Variants in SLC24A4 observed in about 807,000 individuals in gnomAD.
SLC24A4 encodes solute carrier family 24 member 4, also known as sodium/potassium/calcium exchanger 4.
A neutral mutation model predicts 79.0 loss-of-function variants in SLC24A4; 53 were observed. The observed-to-expected ratio is 0.67, with a 90% CI of 0.54 to 0.84. SLC24A4 has a LOEUF of 0.84. Ranked by LOEUF, SLC24A4 falls within the 40% of genes least tolerant of loss-of-function variation. The pLI is 0.00. For missense variants in SLC24A4, 731 were observed against 822.0 expected (o/e 0.89, Z 1.35); for synonymous variants, 323 against 323.8 (o/e 1.00, Z 0.03).
At chr14:92,453,399 A>G (rs540209693) in intron 10 of SLC24A4, 13 of 152,654 alleles carry the variant, frequency 8.5e-5, no homozygotes, top group Non-Finnish European at 1.8e-4. Flanking sequence ...GTGGCCTCGT[A>G]GGAAGTTCAG....
intron 2 of SLC24A4, among the ~76,000 whole-genome samples, chr14:92,410,019 C>G (rs1268467156): frequency 6.6e-6 from 1 of 152,130 alleles, no homozygotes; most frequent in East Asian, 1.9e-4. Context: ...AAGAAAGGAA[C>G]AGACACTGGT....
chr14:92,493,411 C>T (rs1895807644), intron 16 of SLC24A4, 65 bp from the exon 17 acceptor site: 1 of 1,584,712 alleles, frequency 6.3e-7, no homozygotes, highest in Non-Finnish European at 8.6e-7. Context: ...GTGTCGCTTT[C>T]CAGTAGAAAT....
At chr14:92,342,319 G>A (rs997452880) in intron 2 of SLC24A4, among the ~76,000 whole-genome samples, 2 of 151,110 alleles carry the variant, frequency 1.3e-5, no homozygotes, top group Non-Finnish European at 2.9e-5. Flanking sequence ...TGTGGGGGGG[G>A]GGTCTCCATT....
At chr14:92,405,059 A>G (rs542120328) in intron 2 of SLC24A4, among the ~76,000 whole-genome samples, 1 of 152,248 alleles carries the variant, frequency 6.6e-6, no homozygotes, top group African/African-American at 2.4e-5. Context: ...GAGGCCACAC[A>G]GTGTAGTGAT....
At chr14:92,330,941 A>T (rs1218920698) in intron 2 of SLC24A4, among the ~76,000 whole-genome samples, 1 of 152,210 alleles carries the variant, frequency 6.6e-6, no homozygotes, top group East Asian at 1.9e-4. Context: ...GCGAGTTTCC[A>T]CACATCTCCT....
At chr14:92,480,987 A>C (rs961342497) in intron 12 of SLC24A4, among the ~76,000 whole-genome samples, 1 of 152,144 alleles carries the variant, frequency 6.6e-6, no homozygotes, top group Admixed American at 6.5e-5. Flanking sequence ...AGGTCAGCTA[A>C]TGATTAGACA....
intron 12 of SLC24A4, among the ~76,000 whole-genome samples, chr14:92,480,701 T>G (rs910885938): frequency 2.6e-5 from 4 of 152,220 alleles, no homozygotes; most frequent in South Asian, 2.1e-4. Context: ...TCTCAAAGTA[T>G]TTTCTAATTT....
At chr14:92,463,677 A>G (rs1225403196) in intron 12 of SLC24A4, among the ~76,000 whole-genome samples, 1 of 152,154 alleles carries the variant, frequency 6.6e-6, no homozygotes, top group African/African-American at 2.4e-5. Flanking sequence ...ACTTATCATA[A>G]TATTCATTCC....
Position 92,468,924 on chromosome 14 carries a change from GTGTGTGTGTGTC to G in SLC24A4, c.1255+12317_1255+12328del, listed in dbSNP as rs771591523. Among the ~76,000 whole-genome samples, 605 of 119,596 alleles carry G rather than the reference GTGTGTGTGTGTC, an allele frequency of 5.1e-3. 1 individual carries two copies. Among genetic ancestry groups the G allele is most frequent in the Non-Finnish European group, 6.7e-3 (363 of 54,012 alleles). 78.5% of individuals were successfully genotyped at this position (119,596 alleles called of 152,430 possible). On this transcript the variant is annotated intron_variant, in intron 12 of 16. Coordinates refer to ENST00000532405, the MANE Select transcript of SLC24A4 (RefSeq NM_153646.4). ...TGTGTGTGTGTGTGTGTGTGTGTGT[GTGTGTGTGTGTC>G]ACTTAAAACTCAACAATAAAAGACA...
chr14:92,419,507 C>T (rs915930018), intron 2 of SLC24A4, among the ~76,000 whole-genome samples: 10 of 152,180 alleles, frequency 6.6e-5, no homozygotes, highest in Admixed American at 2.6e-4. Context: ...GGAATGTTGC[C>T]GTGGGCTACT....
chr14:92,348,697 G>C (rs1358505746), intron 2 of SLC24A4, among the ~76,000 whole-genome samples: 1 of 152,126 alleles, frequency 6.6e-6, no homozygotes, highest in Admixed American at 6.5e-5. Context: ...ATTGCCACTT[G>C]AGAAATCTGA....
chr14:92,472,852 G>A (rs1894512497), intron 12 of SLC24A4, among the ~76,000 whole-genome samples: 1 of 152,196 alleles, frequency 6.6e-6, no homozygotes, highest in Non-Finnish European at 1.5e-5. Context: ...AGTTCTTTAA[G>A]GAATCTCCAC....
intron 2 of SLC24A4, among the ~76,000 whole-genome samples, chr14:92,407,372 G>T (rs1481052009): frequency 6.6e-6 from 1 of 152,142 alleles, no homozygotes; most frequent in Admixed American, 6.5e-5. Context: ...TCCAACGTCT[G>T]CCCATTACCC....
chr14:92,491,959 G>A (rs1168600272), intron 15 of SLC24A4, among the ~76,000 whole-genome samples, 182 bp downstream of exon 15: 2 of 152,134 alleles, frequency 1.3e-5, no homozygotes, highest in Non-Finnish European at 2.9e-5. Flanking sequence ...ACCTCAGCCC[G>A]CTGGCGTGCC....
intron 2 of SLC24A4, among the ~76,000 whole-genome samples, chr14:92,407,782 G>C (rs1054968473): frequency 6.6e-6 from 1 of 151,888 alleles, no homozygotes. Context: ...CCTCCAATTC[G>C]GCATGAGATT....
intron 12 of SLC24A4, among the ~76,000 whole-genome samples, chr14:92,475,025 A>G (rs774179470): frequency 3.3e-5 from 5 of 151,040 alleles, no homozygotes; most frequent in Non-Finnish European, 5.9e-5. Flanking sequence ...CTTTATTGAT[A>G]TACGGTCCTG....
At chr14:92,455,304 TA>T (rs1893392269) in intron 11 of SLC24A4, among the ~76,000 whole-genome samples, 1 of 152,198 alleles carries the variant, frequency 6.6e-6, no homozygotes, top group Non-Finnish European at 1.5e-5. Context: ...AAAAGACATG[TA>T]CACAAATGTG....
chr14:92,327,817 C>T (rs1471575682), intron 2 of SLC24A4, among the ~76,000 whole-genome samples: 1 of 152,212 alleles, frequency 6.6e-6, no homozygotes, highest in Non-Finnish European at 1.5e-5. Flanking sequence ...GAAGGCCTCA[C>T]CTTGTCCCTT....
chr14:92,463,716 T>C (rs1403135280), intron 12 of SLC24A4, among the ~76,000 whole-genome samples: 1 of 152,208 alleles, frequency 6.6e-6, no homozygotes, highest in Non-Finnish European at 1.5e-5. Flanking sequence ...TGGCTTTTAA[T>C]ATAGTCACAA....
Sources: allele counts gnomAD v4.1 joint callset (sites outside exome capture counted in the v4.1 genomes callset), GRCh38; gene constraint gnomAD v4.1.1; transcripts MANE v1.5; gene names NCBI Gene and HGNC (gene_info 2026-07-23, HGNC 2026-07-21).